Variants in UBP1 observed in about 807,000 individuals in gnomAD.
UBP1 encodes upstream binding protein 1.
In UBP1, 22 loss-of-function variants were observed where a neutral mutation model predicts 76.1. The ratio of observed to expected loss-of-function variants is 0.29; its 90% CI spans 0.21 to 0.41. UBP1 has a LOEUF of 0.41. Ranked by LOEUF, UBP1 falls within the 10% of genes least tolerant of loss-of-function variation. The probability of loss-of-function intolerance (pLI) is 1.00; values close to 1 mark genes in which losing one functional copy is unlikely to be tolerated. For missense variants in UBP1, 436 were observed against 668.1 expected (o/e 0.65, Z 3.83); for synonymous variants, 224 against 237.1 (o/e 0.94, Z 0.51).
intron 8 of UBP1, among the ~76,000 whole-genome samples, chr3:33,405,865 A>G (rs1481559536): frequency 1.3e-5 from 2 of 152,202 alleles, no homozygotes; most frequent in African/African-American, 2.4e-5. Context: ...AAGTCTCACC[A>G]ATGGCTACAG....
chr3:33,417,355 C>T (rs1284360703), intron 2 of UBP1, among the ~76,000 whole-genome samples: 1 of 151,834 alleles, frequency 6.6e-6, no homozygotes, highest in Admixed American at 6.6e-5. Context: ...GATTTGCCCA[C>T]TCTGGATACT....
intron 1 of UBP1, among the ~76,000 whole-genome samples, chr3:33,426,038 T>TATAG (rs1364865528): frequency 1.2e-5 from 1 of 83,186 alleles, no homozygotes; most frequent in Non-Finnish European, 2.3e-5. Flanking sequence ...TATATATATA[T>TATAG]AGCACTTTAA....
chr3:33,418,371 T>C lies in UBP1; in HGVS notation c.266-1537A>G, dbSNP rs941184586. On this transcript the variant is annotated intron_variant, in intron 2 of 15. Coordinates refer to ENST00000283629, the MANE Select transcript of UBP1 (RefSeq NM_014517.5). ...CAGGTTCAAGCAATTCTCCCTGCCT[T>C]GGACTCCTGAGTACCTGGGATTACA... Among the ~76,000 whole-genome samples, 9 of 152,032 alleles carry C rather than the reference T, an allele frequency of 5.9e-5. No homozygotes were observed. In the East Asian group the frequency reaches 1.8e-3, roughly 30 times the overall value.
intron 8 of UBP1, among the ~76,000 whole-genome samples, chr3:33,407,065 T>C (rs2044446676): frequency 6.6e-6 from 1 of 152,230 alleles, no homozygotes. Context: ...AAGAAACATA[T>C]GAAATTCTGC....
At chr3:33,412,186 C>CAAAA (rs1227146812) in intron 4 of UBP1, among the ~76,000 whole-genome samples, 4 of 63,390 alleles carry the variant, frequency 6.3e-5, no homozygotes, top group Non-Finnish European at 9.6e-5. Context: ...AACTCCGTCT[C>CAAAA]AAAAAAAAAA....
intron 11 of UBP1, chr3:33,398,218 T>C (rs539630392): frequency 6.6e-6 from 1 of 152,360 alleles, no homozygotes; most frequent in South Asian, 2.1e-4. Flanking sequence ...ATATGATAAA[T>C]AGCCACTTAC....
rs367600170 is a variant in UBP1 at position 33,424,817 on chromosome 3, A to T, written c.265+773T>A. On this transcript the variant is annotated intron_variant, in intron 2 of 15. Transcript: ENST00000283629. ...TCCCAGCACTTTGGGATGCCGAGGC[A>T]GGCGGATCACTTAAGGTCAGGAGTC... Among the ~76,000 whole-genome samples the T allele has an allele frequency of 5.6e-4, 85 of 152,314 alleles. 1 individual carries two copies. The highest frequency in any genetic ancestry group is 1.9e-3 in the African/African-American group (80 of 41,576).
intron 14 of UBP1, 187 bp downstream of exon 14, chr3:33,393,125 A>G (rs561037018): frequency 7.9e-6 from 5 of 635,560 alleles, no homozygotes; most frequent in African/African-American, 1.9e-5. Flanking sequence ...CTTGGCTTGT[A>G]TTCCATATTA....
intron 1 of UBP1, among the ~76,000 whole-genome samples, chr3:33,428,550 G>A (rs1010319846): frequency 2.6e-5 from 4 of 151,692 alleles, no homozygotes; most frequent in African/African-American, 9.7e-5. Flanking sequence ...TTATTCACTT[G>A]GTTATAGTCT....
chr3:33,390,636 G>A, intron 15 of UBP1: 1 of 515,852 alleles, frequency 1.9e-6, no homozygotes, highest in South Asian at 2.2e-5. Flanking sequence ...GGGGTAGGGG[G>A]ACATCTATCA....
intron 8 of UBP1, among the ~76,000 whole-genome samples, chr3:33,404,485 TA>T (rs147464429): frequency 0.052 from 7,483 of 144,184 alleles, 295 homozygotes; most frequent in African/African-American, 0.11. Flanking sequence ...ATAATAGGAT[TA>T]AAAAAAAAAA....
rs2043698807 is a variant in UBP1, at chr3:33,390,128, T to C, written c.*203A>G. ...CTGGATGCATGCTGTGCCGATGTGC[T>C]CACTCTCATGAGGATGCTTGGCTAT... On this transcript the variant is annotated 3_prime_UTR_variant, in exon 16 of 16. Transcript: ENST00000283629. The C allele has an allele frequency of 3.4e-6, 2 of 584,760 alleles. No homozygotes were observed. The highest frequency in any genetic ancestry group is 6.1e-5 in the Admixed American group (2 of 32,986). The allele number at this position is 584,760 out of a possible 1,614,324, so 36.2% of individuals were successfully genotyped here. A position where few individuals can be genotyped will look rare whatever the true frequency, so the allele number is the denominator to read the frequency against.
At position 33,409,607 on chromosome 3, in the gene UBP1, A is replaced by G; in HGVS notation, c.556-6T>C. On this transcript the variant is annotated splice_region_variant and splice_polypyrimidine_tract_variant and intron_variant, in intron 5 of 15. Transcript: ENST00000283629. ...TCTGTGCTGATGCAGTGTACCTATAAAACGATTCAGGCTGAAATGGATTCA... is the reference window on the plus strand; with the variant it reads ...TCTGTGCTGATGCAGTGTACCTATAGAACGATTCAGGCTGAAATGGATTCA... 6.2e-7 allele frequency: 1 copy of G among 1,614,112 alleles called. No individual in the cohort carries two copies. Among genetic ancestry groups the G allele is most frequent in the Non-Finnish European group, 8.5e-7 (1 of 1,179,990 alleles).
At chr3:33,396,392 T>C (rs893672568) in intron 12 of UBP1, 112 bp from the exon 13 acceptor site, 1 of 778,994 alleles carries the variant, frequency 1.3e-6, no homozygotes, top group Non-Finnish European at 2.0e-6. Flanking sequence ...AACTTTATAA[T>C]GTTATTTCGT....
chr3:33,401,148 G>A (rs781109068), intron 9 of UBP1, 132 bp from the exon 10 acceptor site: 24 of 757,820 alleles, frequency 3.2e-5, no homozygotes, highest in Non-Finnish European at 4.6e-5. Flanking sequence ...AGCTATGAAA[G>A]TCTGCAACAA....
intron 1 of UBP1, among the ~76,000 whole-genome samples, chr3:33,426,001 ATATATAT>A (rs2045007098): frequency 2.0e-5 from 1 of 49,536 alleles, no homozygotes; most frequent in African/African-American, 7.6e-5. Flanking sequence ...CTCTGAATAT[ATATATAT>A]ATATATATAT....
At chr3:33,437,993 A>G (rs2045229501) in intron 1 of UBP1, among the ~76,000 whole-genome samples, 1 of 152,244 alleles carries the variant, frequency 6.6e-6, no homozygotes, top group Admixed American at 6.5e-5. Flanking sequence ...TTGAAAATTT[A>G]GATTAAATGA....
At chr3:33,396,356 G>A in intron 12 of UBP1, 76 bp from the exon 13 acceptor site, 1 of 1,077,042 alleles carries the variant, frequency 9.3e-7, no homozygotes. Flanking sequence ...ACAACTACAG[G>A]AATCTAAGTT....
Position 33,439,940 on chromosome 3 carries a change from G to A in UBP1, c.-92C>T, listed in dbSNP as rs1393860331. On this transcript the variant is annotated 5_prime_UTR_variant, in exon 1 of 16. Transcript: ENST00000283629. Reference sequence around the variant, plus strand: ...GCTGGCGCGTCCTGGGGGAGGGCGCGGGTGAAGCCTCCGGAGGGGCGGCGA... The same window carrying A: ...GCTGGCGCGTCCTGGGGGAGGGCGCAGGTGAAGCCTCCGGAGGGGCGGCGA... 1.8e-5 allele frequency: 26 copies of A among 1,422,794 alleles called. No homozygotes were observed. Among genetic ancestry groups the A allele is most frequent in the Non-Finnish European group, 2.3e-5 (24 of 1,038,564 alleles). 88.1% of individuals were successfully genotyped at this position (1,422,794 alleles called of 1,614,324 possible). A position where few individuals can be genotyped will look rare whatever the true frequency, so the allele number is the denominator to read the frequency against.
Sources: gnomAD v4.1 joint callset for allele counts (sites outside exome capture counted in the v4.1 genomes callset) on GRCh38, gnomAD v4.1.1 for gene constraint, MANE v1.5 for transcripts, NCBI Gene and HGNC (gene_info 2026-07-23, HGNC 2026-07-21) for gene names.